PATJ: variants seen among roughly 807,000 people sequenced by gnomAD.
PATJ encodes the protein inaD-like protein.
PATJ carries 190 observed loss-of-function variants against 224.9 expected under a neutral mutation model. That is an observed-to-expected ratio of 0.84 (90% confidence interval 0.75 to 0.95). The LOEUF (loss-of-function observed/expected upper bound fraction) is 0.95, where lower values mean the gene tolerates loss of function less well. Ranked by LOEUF, PATJ falls within the 40% of genes least tolerant of loss-of-function variation. The pLI is 0.00. For missense variants in PATJ, 2,121 were observed against 2,270.3 expected, an observed-to-expected ratio of 0.93 and a Z score of 1.34; for synonymous variants, 769 against 820.3, an observed-to-expected ratio of 0.94 and a Z score of 1.07.
intron 42 of PATJ, 151 bp downstream of exon 42, chr1:62,148,541 T>A (rs1280291427): frequency 9.5e-6 from 6 of 634,680 alleles, no homozygotes; most frequent in Non-Finnish European, 1.7e-5. Context: ...TCACAAGGCT[T>A]AATTCCACCA....
At chr1:61,755,477 T>C (rs966394877) in intron 1 of PATJ, among the ~76,000 whole-genome samples, 6 of 152,172 alleles carry the variant, frequency 3.9e-5, no homozygotes, top group Non-Finnish European at 8.8e-5. Flanking sequence ...ACATTTTTAC[T>C]GATGGGAATG....
chr1:61,984,949 A>G (rs141582307), intron 27 of PATJ, among the ~76,000 whole-genome samples: 2,045 of 152,174 alleles, frequency 0.013, 39 homozygotes, highest in Middle Eastern at 0.041. Flanking sequence ...TTTGGATTCA[A>G]TTCATAGTAA....
intron 27 of PATJ, among the ~76,000 whole-genome samples, chr1:61,988,958 T>C (rs1644915236): frequency 2.0e-5 from 3 of 152,160 alleles, no homozygotes; most frequent in Admixed American, 6.5e-5. Flanking sequence ...AATCTACGAA[T>C]TTGTTATTTA....
chr1:61,883,643 T>G (rs1275645687), intron 21 of PATJ, among the ~76,000 whole-genome samples: 1 of 151,438 alleles, frequency 6.6e-6, no homozygotes, highest in Non-Finnish European at 1.5e-5. Context: ...TAGTCCCAGC[T>G]ACTCAGGAGG....
intron 29 of PATJ, among the ~76,000 whole-genome samples, chr1:62,028,939 G>A (rs2148460695): frequency 7.8e-6 from 1 of 127,600 alleles, no homozygotes; most frequent in African/African-American, 3.0e-5. Flanking sequence ...TCCAGCCTGG[G>A]TGACAGAGCG....
chr1:62,108,308 GTTTATC>G (rs1461119032), intron 33 of PATJ, 123 bp from the exon 34 acceptor site: 4 of 523,536 alleles, frequency 7.6e-6, no homozygotes, highest in East Asian at 3.2e-5. Context: ...TGTGTATATT[GTTTATC>G]TTTATGTCAG....
At chr1:62,030,557 T>A (rs1649037101) in intron 29 of PATJ, among the ~76,000 whole-genome samples, 8 of 148,108 alleles carry the variant, frequency 5.4e-5, no homozygotes. Flanking sequence ...GTGCAATAGA[T>A]TTTATGTCTT....
chr1:62,132,359 T>C (rs925331488), intron 41 of PATJ, among the ~76,000 whole-genome samples: 1 of 152,144 alleles, frequency 6.6e-6, no homozygotes, highest in African/African-American at 2.4e-5. Context: ...AGTAGCCGGA[T>C]TGGCGGTGCA....
intron 27 of PATJ, among the ~76,000 whole-genome samples, chr1:61,988,019 C>T (rs915675590): frequency 5.3e-5 from 8 of 151,930 alleles, no homozygotes; most frequent in African/African-American, 1.2e-4. Context: ...GGCTGCATGG[C>T]GAAACCCTGT....
At chr1:62,146,345 C>T (rs556197808) in intron 41 of PATJ, among the ~76,000 whole-genome samples, 14 of 152,152 alleles carry the variant, frequency 9.2e-5, no homozygotes, top group South Asian at 4.1e-4. Context: ...CCAAGAGAGT[C>T]GAGTTTCCTT....
chr1:61,775,119 C>T, intron 6 of PATJ, 87 bp from the exon 7 acceptor site: 1 of 1,333,154 alleles, frequency 7.5e-7, no homozygotes, highest in Middle Eastern at 1.9e-4. Context: ...TGTTGCAAAT[C>T]TGTTACTTTG....
chr1:62,011,861 TA>T, intron 28 of PATJ, among the ~76,000 whole-genome samples: 1 of 152,118 alleles, frequency 6.6e-6, no homozygotes, highest in East Asian at 1.9e-4. Flanking sequence ...TTTGGGACTT[TA>T]AAAAGCCTAA....
chr1:62,072,283 G>T (rs751001479), intron 31 of PATJ, among the ~76,000 whole-genome samples: 1 of 151,974 alleles, frequency 6.6e-6, no homozygotes, highest in African/African-American at 2.4e-5. Context: ...TTCTGTAGCC[G>T]TGGTTTTTTT....
chr1:61,959,430 TTTTC>T (rs1426687113), intron 27 of PATJ, among the ~76,000 whole-genome samples: 2,595 of 107,742 alleles, frequency 0.024, 59 homozygotes, highest in Non-Finnish European at 0.036. Flanking sequence ...AATATATTTT[TTTTC>T]TTTTCTTTTT....
chr1:62,102,690 A>G (rs192436855), intron 33 of PATJ, among the ~76,000 whole-genome samples: 1 of 151,718 alleles, frequency 6.6e-6, no homozygotes, highest in Non-Finnish European at 1.5e-5. Context: ...CTGTCTCTAC[A>G]AAAAATACCG....
At position 62,072,953 on chromosome 1, in the gene PATJ, C is replaced by A. The variant is rs1027239687; in HGVS notation, c.4126-6497C>A. The stretch of plus-strand genomic sequence containing the variant: ...ACTGAAGCCCAATTAAATGTACTAA[C>A]TGCTGAAATTGGAAAGTGCGGTTGA... On this transcript the variant is annotated intron_variant, in intron 31 of 43. Coordinates refer to ENST00000642238, the MANE Select transcript of PATJ (RefSeq NM_001350145.3). The A allele has an allele frequency of 1.2e-5, 9 of 755,688 alleles. No homozygotes were observed. The African/African-American group carries it at 1.7e-4, about 14-fold the overall frequency. The allele number at this position is 755,688 out of a possible 1,614,324, so 46.8% of individuals were successfully genotyped here.
chr1:62,092,562 C>T (rs1186920838), intron 33 of PATJ, among the ~76,000 whole-genome samples: 1 of 150,542 alleles, frequency 6.6e-6, no homozygotes, highest in Non-Finnish European at 1.5e-5. Flanking sequence ...ATTGCAGGCA[C>T]CCACCACCAC....
At chr1:61,888,449 G>T (rs2149096331) in intron 22 of PATJ, among the ~76,000 whole-genome samples, 1 of 151,550 alleles carries the variant, frequency 6.6e-6, no homozygotes, top group Middle Eastern at 3.4e-3. Flanking sequence ...GCTAATTTTT[G>T]TACTTTTTTT....
At chr1:61,924,375 G>A (rs893969618) in intron 26 of PATJ, among the ~76,000 whole-genome samples, 3 of 152,004 alleles carry the variant, frequency 2.0e-5, no homozygotes, top group Non-Finnish European at 2.9e-5. Flanking sequence ...CTCAAAAACA[G>A]AAAAGAAATA....
Sources: gnomAD v4.1 joint callset for allele counts (sites outside exome capture counted in the v4.1 genomes callset) on GRCh38, gnomAD v4.1.1 for gene constraint, MANE v1.5 for transcripts, NCBI Gene and HGNC (gene_info 2026-07-23, HGNC 2026-07-21) for gene names.